Variants in SETDB1 observed in about 807,000 individuals in gnomAD.
SETDB1 encodes SET domain bifurcated histone lysine methyltransferase 1.
SETDB1 carries 31 observed loss-of-function variants against 137.4 expected under a neutral mutation model. The observed-to-expected ratio is 0.23, with a 90% confidence interval of 0.17 to 0.30. The LOEUF is 0.30. Among genes scored for constraint, SETDB1 ranks in the 10% least tolerant of loss-of-function variants. The probability of loss-of-function intolerance (pLI) is 1.00; values close to 1 mark genes in which losing one functional copy is unlikely to be tolerated. For missense variants in SETDB1, 1,113 were observed against 1,631.5 expected (o/e 0.68, Z 5.47); for synonymous variants, 548 against 579.9 (o/e 0.95, Z 0.79).
At chr1:150,947,052 C>T (rs1310295153) in intron 10 of SETDB1, 40 bp downstream of exon 10, 3 of 1,610,780 alleles carry the variant, frequency 1.9e-6, no homozygotes, top group Admixed American at 1.7e-5. Flanking sequence ...AAGAAACAGG[C>T]CAACCAGCAA....
At chr1:150,950,395 G>A (rs1173266401) in intron 12 of SETDB1, 63 bp from the exon 13 acceptor site, 2 of 1,392,240 alleles carry the variant, frequency 1.4e-6, no homozygotes, top group Non-Finnish European at 2.0e-6. Flanking sequence ...GCTACCTGGA[G>A]GGTTAATTAT....
Position 150,949,355 on chromosome 1 carries a change from C to G in SETDB1, c.1425-12C>G, listed in dbSNP as rs759133198. ...CATCCCTTACTATATGCCCTCTTCTCTAATCTCCTAGAAGCTTGGAAAGCC... is the reference window on the plus strand; with the variant it reads ...CATCCCTTACTATATGCCCTCTTCTGTAATCTCCTAGAAGCTTGGAAAGCC... On this transcript the variant is annotated splice_polypyrimidine_tract_variant and intron_variant, in intron 11 of 21. Coordinates refer to ENST00000692827, the MANE Select transcript of SETDB1 (RefSeq NM_001366418.1). 1.9e-6 allele frequency: 3 copies of G among 1,613,928 alleles called. No homozygotes were observed. The Admixed American group carries it at 5.0e-5, about 27-fold the overall frequency.
rs1669514356 is a variant in SETDB1, at chr1:150,926,391, A to T, written c.-138A>T. 1 of 211,112 alleles carries T rather than the reference A, an allele frequency of 4.7e-6. No individual in the cohort carries two copies. The highest frequency in any genetic ancestry group is 9.6e-6 in the Non-Finnish European group (1 of 104,170). The allele number at this position is 211,112 out of a possible 1,614,324, so 13.1% of individuals were successfully genotyped here. A position where few individuals can be genotyped will look rare whatever the true frequency, so the allele number is the denominator to read the frequency against. On this transcript the variant is annotated 5_prime_UTR_variant, in exon 1 of 22. Transcript: ENST00000692827. Reference sequence around the variant, plus strand: ...TCTTTTGCTTCCCCTTCCCTCTTTCACGCTTCCTCCCCTCCCCCTCCTCCC... The same window carrying T: ...TCTTTTGCTTCCCCTTCCCTCTTTCTCGCTTCCTCCCCTCCCCCTCCTCCC...
chr1:150,930,196 G>C, intron 3 of SETDB1, 78 bp downstream of exon 3: 1 of 1,265,644 alleles, frequency 7.9e-7, no homozygotes, highest in Non-Finnish European at 1.1e-6. Context: ...GAAGATAATA[G>C]AAGAGAGGAG....
intron 14 of SETDB1, among the ~76,000 whole-genome samples, chr1:150,954,561 T>G (rs1248663887): frequency 6.6e-6 from 1 of 151,922 alleles, no homozygotes; most frequent in Non-Finnish European, 1.5e-5. Flanking sequence ...TTAAGAGACA[T>G]TATCATAAAA....
At chr1:150,938,414 A>C (rs1670013025) in intron 3 of SETDB1, among the ~76,000 whole-genome samples, 1 of 152,024 alleles carries the variant, frequency 6.6e-6, no homozygotes, top group African/African-American at 2.4e-5. Context: ...GGTATGAGGA[A>C]ATTTTTGGAG....
chr1:150,947,073 A>G (rs1670354433), intron 10 of SETDB1, 61 bp downstream of exon 10: 2 of 1,589,150 alleles, frequency 1.3e-6, no homozygotes, highest in Non-Finnish European at 1.7e-6. Flanking sequence ...AGGAGATTAT[A>G]TACAATGGCT....
intron 21 of SETDB1, 48 bp from the exon 22 acceptor site, chr1:150,964,199 G>A (rs1670917670): frequency 1.3e-6 from 2 of 1,568,000 alleles, no homozygotes; most frequent in African/African-American, 2.7e-5. Context: ...CCAAGTGCCT[G>A]GGTTATCTGC....
At chr1:150,943,481 A>G (rs1170159100) in intron 7 of SETDB1, among the ~76,000 whole-genome samples, 6 of 152,214 alleles carry the variant, frequency 3.9e-5, no homozygotes, top group Non-Finnish European at 5.9e-5. Context: ...GTTCGAGACC[A>G]GCTTGGCCAA....
At chr1:150,957,792 C>T (rs1177672710) in intron 14 of SETDB1, among the ~76,000 whole-genome samples, 2 of 152,162 alleles carry the variant, frequency 1.3e-5, no homozygotes, top group Non-Finnish European at 2.9e-5. Context: ...AAACCTCGAA[C>T]TCCTGAGCTC....
chr1:150,949,694 G>A (rs949819207), intron 12 of SETDB1, among the ~76,000 whole-genome samples, 169 bp downstream of exon 12: 1 of 152,168 alleles, frequency 6.6e-6, no homozygotes, highest in South Asian at 2.1e-4. Flanking sequence ...TAGAAAGTAA[G>A]AATAATTGAA....
intron 8 of SETDB1, 134 bp from the exon 9 acceptor site, chr1:150,944,784 C>A: frequency 1.1e-6 from 1 of 928,564 alleles, no homozygotes; most frequent in Non-Finnish European, 1.6e-6. Flanking sequence ...CTTGGCTTTG[C>A]TTCCCTTGAG....
intron 3 of SETDB1, among the ~76,000 whole-genome samples, chr1:150,937,338 A>G (rs6691331): frequency 0.034 from 5,120 of 152,150 alleles, 296 homozygotes; most frequent in African/African-American, 0.12. Context: ...GGGAGGGGAA[A>G]ATGGGGAGTG....
chr1:150,957,059 G>A (rs796115758), intron 14 of SETDB1, among the ~76,000 whole-genome samples: 1 of 151,758 alleles, frequency 6.6e-6, no homozygotes, highest in South Asian at 2.1e-4. Flanking sequence ...CAAGGCTGCA[G>A]TGAGCTGTGT....
chr1:150,942,230 A>G (rs1319833574), intron 5 of SETDB1, among the ~76,000 whole-genome samples: 1 of 151,950 alleles, frequency 6.6e-6, no homozygotes, highest in East Asian at 1.9e-4. Flanking sequence ...CATGAGGTCA[A>G]AAGATAGAGA....
chr1:150,956,392 A>C (rs1317750186), intron 14 of SETDB1, among the ~76,000 whole-genome samples: 1 of 152,036 alleles, frequency 6.6e-6, no homozygotes, highest in African/African-American at 2.4e-5. Context: ...CCTCAAAAAA[A>C]AAAAAAAAAG....
rs587760018 is a variant in SETDB1, at chr1:150,933,129, A to G, written c.412+3011A>G. Among the ~76,000 whole-genome samples the G allele has an allele frequency of 3.3e-5, 5 of 152,188 alleles. No homozygotes were observed. In the East Asian group the frequency reaches 9.7e-4, roughly 29 times the overall value. ...GGCTGGAGTGTGATAGCATGATCAT[A>G]GTTCACTGCAGCCTCAACCTCCTGG... On this transcript the variant is annotated intron_variant, in intron 3 of 21. Coordinates refer to ENST00000692827, the MANE Select transcript of SETDB1 (RefSeq NM_001366418.1).
At chr1:150,945,543 CAT>C (rs1321392987) in intron 9 of SETDB1, among the ~76,000 whole-genome samples, 1 of 152,140 alleles carries the variant, frequency 6.6e-6, no homozygotes, top group Admixed American at 6.5e-5. Context: ...TTCTTAGAAT[CAT>C]ATTTCTTATT....
intron 2 of SETDB1, among the ~76,000 whole-genome samples, chr1:150,929,116 G>A (rs1669640836): frequency 6.6e-6 from 1 of 152,094 alleles, no homozygotes; most frequent in Admixed American, 6.6e-5. Flanking sequence ...CCCAGTAATG[G>A]GATTGCTGGG....
Sources: allele counts gnomAD v4.1 joint callset (sites outside exome capture counted in the v4.1 genomes callset), GRCh38; gene constraint gnomAD v4.1.1; transcripts MANE v1.5; gene names NCBI Gene and HGNC (gene_info 2026-07-23, HGNC 2026-07-21).